Variants in NUP107 observed in about 807,000 individuals in gnomAD.
NUP107 encodes the protein nuclear pore complex protein Nup107.
Under a neutral mutation model 141.0 loss-of-function variants are expected in NUP107, and 101 were observed. The ratio of observed to expected loss-of-function variants is 0.72; its 90% CI spans 0.61 to 0.84. NUP107 has a LOEUF of 0.84. Ranked by LOEUF, NUP107 falls within the 40% of genes least tolerant of loss-of-function variation. NUP107 has a pLI of 0.00. For synonymous variants in NUP107, 319 were observed against 363.9 expected, an observed-to-expected ratio of 0.88 and a Z score of 1.41; for missense variants, 941 against 1,102.7, an observed-to-expected ratio of 0.85 and a Z score of 2.08.
chr12:68,739,541 T>TG (rs1472605344), intron 26 of NUP107, among the ~76,000 whole-genome samples: 1 of 152,314 alleles, frequency 6.6e-6, no homozygotes, highest in East Asian at 1.9e-4. Context: ...TTTTCTCACA[T>TG]GTAAGGCACT....
At position 68,715,721 on chromosome 12, in the gene NUP107, G is replaced by A. The variant is rs747135247; in HGVS notation, c.1064G>A (p.Arg355His). ...RLLKYLFTLI[R>H]AGMTEEAQRL... ...CTCAAATATCTCTTTACTCTAATCCGTGCTGGAATGACAGAAGAGGTCAGT... is the reference window on the plus strand; with the variant it reads ...CTCAAATATCTCTTTACTCTAATCCATGCTGGAATGACAGAAGAGGTCAGT... The change falls in exon 12 of 28, where the codon CGT (arginine) becomes CAT (histidine). Residue 355 changes from arginine (R) to histidine (H), a missense_variant. Physicochemically the swap from Arg to His is conservative, Grantham distance 29. Coordinates refer to ENST00000229179, the MANE Select transcript of NUP107 (RefSeq NM_020401.4). The A allele has an allele frequency of 7.8e-5, 126 of 1,606,128 alleles. No homozygotes were observed. Among genetic ancestry groups the A allele is most frequent in the Admixed American group, 5.0e-4 (30 of 59,954 alleles).
intron 20 of NUP107, among the ~76,000 whole-genome samples, chr12:68,728,772 AAAAG>A (rs1877685326): frequency 6.6e-6 from 1 of 151,682 alleles, no homozygotes; most frequent in South Asian, 2.1e-4. Context: ...AAAAGTTAAA[AAAAG>A]AATAAATAAT....
chr12:68,705,364 T>C (rs769364873), intron 8 of NUP107, among the ~76,000 whole-genome samples: 1 of 151,924 alleles, frequency 6.6e-6, no homozygotes, highest in South Asian at 2.1e-4. Flanking sequence ...TTTTATTATG[T>C]TAGTTAGACT....
intron 24 of NUP107, 45 bp from the exon 25 acceptor site, chr12:68,734,663 A>C: frequency 7.1e-7 from 1 of 1,405,958 alleles, no homozygotes; most frequent in Non-Finnish European, 9.6e-7. Flanking sequence ...TAAAAGTGAA[A>C]ACTTTTGTTA....
At chr12:68,730,109 G>T (rs1341871583) in intron 20 of NUP107, among the ~76,000 whole-genome samples, 1 of 151,106 alleles carries the variant, frequency 6.6e-6, no homozygotes, top group East Asian at 1.9e-4. Flanking sequence ...CTATAGACAC[G>T]TGCCACCATG....
chr12:68,724,613 CA>C (rs1421340497), intron 17 of NUP107, among the ~76,000 whole-genome samples: 2 of 151,758 alleles, frequency 1.3e-5, no homozygotes, highest in Non-Finnish European at 2.9e-5. Flanking sequence ...CCCATCTCTA[CA>C]AAAAAAATTT....
chr12:68,700,827 A>G lies in NUP107; in HGVS notation c.654A>G (p.Thr218=), dbSNP rs35589976. 0.013 allele frequency: 20,254 copies of G among 1,602,528 alleles called. 171 individuals carry two copies. The highest frequency in any genetic ancestry group is 0.021 in the South Asian group (1,836 of 88,582). ...GGCTTCTTCAACAGGAGATGGTCAC[A>G]TGGAGGCTGCTGGCTTCTTTGTATA... The part of the protein sequence containing the change: ...MLWLLQQEMV[T]WRLLASLYRD... The change falls in exon 7 of 28, where the codon ACA becomes ACG. Residue 218 remains threonine (T), a synonymous_variant. Transcript: ENST00000229179.
At position 68,715,719 on chromosome 12, in the gene NUP107, C is replaced by A; in HGVS notation, c.1062C>A (p.Ile354=). The stretch of plus-strand genomic sequence containing the variant: ...TACTCAAATATCTCTTTACTCTAAT[C>A]CGTGCTGGAATGACAGAAGAGGTCA... ...VRLLKYLFTL[I]RAGMTEEAQR... is the part of the protein sequence containing the mutation. The change falls in exon 12 of 28, where the codon ATC becomes ATA. Residue 354 remains isoleucine, a synonymous_variant. Coordinates refer to ENST00000229179, the MANE Select transcript of NUP107 (RefSeq NM_020401.4). The A allele has an allele frequency of 1.2e-6, 2 of 1,607,520 alleles. No homozygotes were observed. The highest frequency in any genetic ancestry group is 1.1e-5 in the South Asian group (1 of 90,938).
intron 8 of NUP107, chr12:68,706,376 AT>A: frequency 7.4e-7 from 1 of 1,346,786 alleles, no homozygotes. Context: ...GGTGCTGTCC[AT>A]TGACAACAGT....
rs1242305596 is a variant in NUP107, at chr12:68,721,136, G to A, written c.1270G>A (p.Glu424Lys). Residue 424 changes from glutamate (E) to lysine (K), a missense_variant, in exon 15 of 28, where the codon GAG becomes AAG. Coordinates refer to ENST00000229179, the MANE Select transcript of NUP107 (RefSeq NM_020401.4). ...MAEDELFNRY[E>K]RAIYAALSGN... ...GTTTTAGGAGCTTTTTAATAGATAC[G>A]AGAGAGCAATTTATGCAGCTTTAAG... 2.5e-6 allele frequency: 4 copies of A among 1,606,614 alleles called. No individual in the cohort carries two copies. The highest frequency in any genetic ancestry group is 3.4e-6 in the Non-Finnish European group (4 of 1,174,364).
In NUP107 at chr12:68,742,066, T is replaced by C. The variant is rs1878342796; in HGVS notation, c.2670+86T>C. 2.8e-6 allele frequency: 3 copies of C among 1,087,628 alleles called. No homozygotes were observed. In the South Asian group the frequency reaches 5.5e-5, roughly 20 times the overall value. The allele number at this position is 1,087,628 out of a possible 1,614,324, so 67.4% of individuals were successfully genotyped here. A position where few individuals can be genotyped will look rare whatever the true frequency, so the allele number is the denominator to read the frequency against. On this transcript the variant is annotated intron_variant, in intron 27 of 27. Transcript: ENST00000229179. ...TAATTTTGTGAAGATGTGTTTACAT[T>C]TGTAATTGCTCTTGGATTTTCTTAA... is the stretch of plus-strand genomic sequence containing the variant.
rs149996365 is a variant in NUP107, at chr12:68,723,303, G to A, written c.1506+1151G>A. Among the ~76,000 whole-genome samples, 1,427 of 152,200 alleles carry A rather than the reference G, an allele frequency of 9.4e-3. 12 individuals carry two copies. Among genetic ancestry groups the A allele is most frequent in the South Asian group, 0.021 (102 of 4,810 alleles). ...GAGGATCGTGGCTTCAGTGAGCTGTGATTGTACTACTGCACTGGAGCCCAG... is the reference window on the plus strand; with the variant it reads ...GAGGATCGTGGCTTCAGTGAGCTGTAATTGTACTACTGCACTGGAGCCCAG... On this transcript the variant is annotated intron_variant, in intron 17 of 27. Coordinates refer to ENST00000229179, the MANE Select transcript of NUP107 (RefSeq NM_020401.4).
In NUP107 at chr12:68,731,505, A is replaced by C. The variant is rs186261217; in HGVS notation, c.1886-102A>C. 11 of 631,928 alleles carry C rather than the reference A, an allele frequency of 1.7e-5. No individual in the cohort carries two copies. In the Admixed American group the frequency reaches 3.7e-4, roughly 22 times the overall value. 39.1% of individuals were successfully genotyped at this position (631,928 alleles called of 1,614,324 possible). A position where few individuals can be genotyped will look rare whatever the true frequency, so the allele number is the denominator to read the frequency against. The stretch of plus-strand genomic sequence containing the variant: ...TTCATATTTTACATATTTTATTTTT[A>C]AGGAATTACTGTTCCAAATTTACTG... On this transcript the variant is annotated intron_variant, in intron 21 of 27. Transcript: ENST00000229179.
chr12:68,695,111 A>G (rs1017210188), intron 5 of NUP107, among the ~76,000 whole-genome samples: 4 of 152,244 alleles, frequency 2.6e-5, no homozygotes, highest in African/African-American at 9.6e-5. Flanking sequence ...ACAAAAACCC[A>G]GAAAATAACA....
At chr12:68,721,080 A>G in intron 14 of NUP107, 38 bp from the exon 15 acceptor site, 3 of 1,371,768 alleles carry the variant, frequency 2.2e-6, no homozygotes, top group Non-Finnish European at 3.1e-6. Context: ...ACTAAGAAAA[A>G]CAATATTTCA....
At chr12:68,699,298 G>C (rs1418090348) in intron 6 of NUP107, among the ~76,000 whole-genome samples, 1 of 152,056 alleles carries the variant, frequency 6.6e-6, no homozygotes, top group Non-Finnish European at 1.5e-5. Flanking sequence ...GCTTGAACCC[G>C]GGAGGCAGAG....
chr12:68,726,466 C>T (rs1877568270), intron 18 of NUP107, 33 bp from the exon 19 acceptor site: 3 of 1,326,248 alleles, frequency 2.3e-6, no homozygotes, highest in Non-Finnish European at 2.2e-6. Flanking sequence ...GATTTTATTC[C>T]TATTGTTGAA....
chr12:68,724,206 C>G (rs981815068), intron 17 of NUP107, among the ~76,000 whole-genome samples: 23 of 151,606 alleles, frequency 1.5e-4, no homozygotes, highest in African/African-American at 5.6e-4. Flanking sequence ...ACCCCCTCCC[C>G]AAAAGTTCCA....
chr12:68,731,179 G>A lies in NUP107; in HGVS notation c.1804G>A (p.Val602Ile). ...YTCHLPQDLA[V>I]AQYALFLESV... ...CTGTCATTTGCCTCAAGACCTAGCT[G>A]TTGCCCAGTATGCATTATTTTTGGA... Residue 602 changes from valine to isoleucine, a missense_variant, in exon 21 of 28, where the codon GTT becomes ATT. By Grantham distance (29) the Val-to-Ile change is conservative. Coordinates refer to ENST00000229179, the MANE Select transcript of NUP107 (RefSeq NM_020401.4). The A allele has an allele frequency of 6.2e-7, 1 of 1,611,764 alleles. No homozygotes were observed. The highest frequency in any genetic ancestry group is 8.5e-7 in the Non-Finnish European group (1 of 1,178,864).
Sources: allele counts gnomAD v4.1 joint callset (sites outside exome capture counted in the v4.1 genomes callset), GRCh38; gene constraint gnomAD v4.1.1; transcripts MANE v1.5; gene names NCBI Gene and HGNC (gene_info 2026-07-23, HGNC 2026-07-21).